The following RUNDC3B variants were observed in gnomAD, a reference collection of about 807,000 sequenced individuals.
RUNDC3B encodes RUN domain containing 3B.
A neutral mutation model predicts 58.4 loss-of-function variants in RUNDC3B; 33 were observed. The observed-to-expected ratio is 0.56, with a 90% CI of 0.43 to 0.75. The LOEUF (loss-of-function observed/expected upper bound fraction) is 0.75, where lower values mean the gene tolerates loss of function less well. Ranked by LOEUF, RUNDC3B falls within the 30% of genes least tolerant of loss-of-function variation. RUNDC3B has a pLI of 0.00. For synonymous variants in RUNDC3B, 193 were observed against 195.2 expected (o/e 0.99, Z 0.10); for missense variants, 501 against 535.7 (o/e 0.94, Z 0.64).
chr7:87,770,757 A>T lies in RUNDC3B; in HGVS notation c.798+8A>T, dbSNP rs933251501. ...CTTACCCTGGAACAGAAGGTATTTT[A>T]AAATTATCAAAACGTACTTAATTTT... On this transcript the variant is annotated splice_region_variant and intron_variant, in intron 7 of 10. Transcript: ENST00000394654. The T allele has an allele frequency of 6.3e-6, 10 of 1,587,220 alleles. No individual in the cohort carries two copies. The African/African-American group carries it at 9.5e-5, about 15-fold the overall frequency.
intron 2 of RUNDC3B, among the ~76,000 whole-genome samples, chr7:87,654,644 A>G (rs1175259419): frequency 6.6e-6 from 1 of 152,130 alleles, no homozygotes; most frequent in Non-Finnish European, 1.5e-5. Context: ...CATAGGGAAA[A>G]GGCTCCATGA....
At chr7:87,753,388 G>T (rs896231513) in intron 6 of RUNDC3B, among the ~76,000 whole-genome samples, 6 of 151,656 alleles carry the variant, frequency 4.0e-5, no homozygotes, top group African/African-American at 1.5e-4. Flanking sequence ...TGTCTATTAG[G>T]TCCACTTGGT....
chr7:87,794,884 A>C (rs1835733034), intron 8 of RUNDC3B, among the ~76,000 whole-genome samples: 1 of 152,182 alleles, frequency 6.6e-6, no homozygotes, highest in Non-Finnish European at 1.5e-5. Flanking sequence ...CTGGGGAAAA[A>C]GACAGTGTTT....
At chr7:87,651,012 A>G in intron 2 of RUNDC3B, 75 bp downstream of exon 2, 1 of 838,496 alleles carries the variant, frequency 1.2e-6, no homozygotes. Context: ...GAAATCATAC[A>G]GTCTGTGTGA....
At chr7:87,642,613 T>A (rs543833472) in intron 1 of RUNDC3B, among the ~76,000 whole-genome samples, 28 of 151,598 alleles carry the variant, frequency 1.8e-4, no homozygotes, top group Admixed American at 3.3e-4. Flanking sequence ...AGTTTTGCCT[T>A]ATTTATTTAT....
chr7:87,631,386 T>A (rs538887961), intron 1 of RUNDC3B, among the ~76,000 whole-genome samples: 96 of 152,350 alleles, frequency 6.3e-4, no homozygotes, highest in Non-Finnish European at 9.0e-4. Flanking sequence ...ATTCTTTTTT[T>A]AATTTTTTAT....
intron 2 of RUNDC3B, among the ~76,000 whole-genome samples, chr7:87,674,203 C>A (rs956846564): frequency 6.6e-6 from 1 of 152,130 alleles, no homozygotes; most frequent in African/African-American, 2.4e-5. Context: ...CCAGCATCTG[C>A]AGAAGTATAG....
chr7:87,667,866 G>A (rs768065228), intron 2 of RUNDC3B, among the ~76,000 whole-genome samples: 6 of 152,148 alleles, frequency 3.9e-5, no homozygotes, highest in Non-Finnish European at 5.9e-5. Flanking sequence ...GCTTTTTGAT[G>A]TGCTGCCAGA....
chr7:87,714,928 G>T lies in RUNDC3B; in HGVS notation c.458+4273G>T, dbSNP rs569279874. On this transcript the variant is annotated intron_variant, in intron 4 of 10. Coordinates refer to ENST00000394654, the MANE Select transcript of RUNDC3B (RefSeq NM_001134405.2). ...CTCTCTGCAGGGGGAAGCACGTCAC[G>T]CGCTGTTGGCTCATTCTGGCAGTCC... 1.4e-3 allele frequency among the ~76,000 whole-genome samples: 206 copies of T among 152,054 alleles called. 1 individual carries two copies. Among genetic ancestry groups the T allele is most frequent in the African/African-American group, 4.9e-3 (203 of 41,500 alleles).
rs753998778 is a variant in RUNDC3B at position 87,650,848 on chromosome 7, G to C, written c.149G>C (p.Arg50Pro). Reference protein sequence around the residue: ...CRFSVKTLIDRSCFETIDDSS... With the variant: ...CRFSVKTLIDPSCFETIDDSS... ...TTTTCTGTGAAGACCCTGATTGATC[G>C]GTCTTGCTTTGAGACAATTGATGAT... Residue 50 changes from arginine (R) to proline (P), a missense_variant, in exon 2 of 11, where the codon CGG (arginine) becomes CCG (proline). Coordinates refer to ENST00000394654, the MANE Select transcript of RUNDC3B (RefSeq NM_001134405.2). 2 of 1,610,962 alleles carry C rather than the reference G, an allele frequency of 1.2e-6. No individual in the cohort carries two copies. Among genetic ancestry groups the C allele is most frequent in the Non-Finnish European group, 1.7e-6 (2 of 1,177,594 alleles).
At chr7:87,638,070 G>T (rs1035949872) in intron 1 of RUNDC3B, among the ~76,000 whole-genome samples, 4 of 151,464 alleles carry the variant, frequency 2.6e-5, no homozygotes, top group Non-Finnish European at 4.4e-5. Context: ...AATTTTTTTT[G>T]TCTTTCAAGT....
intron 2 of RUNDC3B, among the ~76,000 whole-genome samples, chr7:87,691,743 G>A (rs1012548224): frequency 2.0e-5 from 3 of 151,910 alleles, no homozygotes; most frequent in Non-Finnish European, 4.4e-5. Context: ...CTTCTTTCTG[G>A]GGTTGTCAGT....
At chr7:87,699,896 A>C (rs895288410) in intron 2 of RUNDC3B, among the ~76,000 whole-genome samples, 5 of 152,212 alleles carry the variant, frequency 3.3e-5, no homozygotes, top group African/African-American at 1.2e-4. Flanking sequence ...ATTATTAGTG[A>C]ATATAGGATG....
Position 87,829,968 on chromosome 7 carries a change from T to C in RUNDC3B, c.1309T>C (p.Ser437Pro). Residue 437 changes from serine (S) to proline (P), a missense_variant, in exon 11 of 11, where the codon TCT becomes CCT. By Grantham distance (74) the Ser-to-Pro change is moderately conservative. Transcript: ENST00000394654. ...ASYKSLTSLK[S>P]NDYLASPTTE... Reference sequence around the variant, plus strand: ...TTACAAGTCTCTAACAAGCTTAAAATCTAATGACTACCTTGCAAGTCCTAC... The same window carrying C: ...TTACAAGTCTCTAACAAGCTTAAAACCTAATGACTACCTTGCAAGTCCTAC... The C allele has an allele frequency of 6.2e-7, 1 of 1,609,892 alleles. No individual in the cohort carries two copies. The highest frequency in any genetic ancestry group is 1.3e-5 in the African/African-American group (1 of 74,814).
intron 8 of RUNDC3B, among the ~76,000 whole-genome samples, chr7:87,806,557 T>A (rs1316267028): frequency 6.6e-6 from 1 of 152,182 alleles, no homozygotes. Flanking sequence ...AATTCTTTTT[T>A]AACCATCAAC....
At chr7:87,631,966 G>T (rs1821267528) in intron 1 of RUNDC3B, among the ~76,000 whole-genome samples, 1 of 152,102 alleles carries the variant, frequency 6.6e-6, no homozygotes, top group Non-Finnish European at 1.5e-5. Flanking sequence ...CCAAATATGA[G>T]CAGGGTAATA....
At chr7:87,713,429 G>A (rs1221861378) in intron 4 of RUNDC3B, 2 of 152,146 alleles carry the variant, frequency 1.3e-5, no homozygotes, top group African/African-American at 2.4e-5. Context: ...GGTGGGAGTA[G>A]AGATAAAATA....
intron 3 of RUNDC3B, among the ~76,000 whole-genome samples, chr7:87,706,708 G>T (rs1829623589): frequency 1.3e-5 from 2 of 152,154 alleles, no homozygotes; most frequent in African/African-American, 4.8e-5. Flanking sequence ...TGTGGAGGTG[G>T]AGATTTTTAT....
At chr7:87,814,936 T>A (rs1047594469) in intron 9 of RUNDC3B, among the ~76,000 whole-genome samples, 1 of 152,154 alleles carries the variant, frequency 6.6e-6, no homozygotes, top group African/African-American at 2.4e-5. Flanking sequence ...GTCCATTCGT[T>A]ATGAAATCCT....
Sources: gnomAD v4.1 joint callset for allele counts (sites outside exome capture counted in the v4.1 genomes callset) on GRCh38, gnomAD v4.1.1 for gene constraint, MANE v1.5 for transcripts, NCBI Gene and HGNC (gene_info 2026-07-23, HGNC 2026-07-21) for gene names.